MTHFD1L: variants seen among roughly 807,000 people sequenced by gnomAD.
MTHFD1L encodes the protein monofunctional C1-tetrahydrofolate synthase, mitochondrial.
Under a neutral mutation model 119.5 loss-of-function variants are expected in MTHFD1L, and 81 were observed. That is an observed-to-expected ratio of 0.68 (90% CI 0.57 to 0.82). The LOEUF (loss-of-function observed/expected upper bound fraction) is 0.82, where lower values mean the gene tolerates loss of function less well. Ranked by LOEUF, MTHFD1L falls within the 40% of genes least tolerant of loss-of-function variation. The pLI is 0.00. For missense variants in MTHFD1L, 1,125 were observed against 1,253.4 expected (o/e 0.90, Z 1.55); for synonymous variants, 430 against 475.2 (o/e 0.90, Z 1.24).
At chr6:150,904,443 C>G (rs1222332091) in intron 7 of MTHFD1L, among the ~76,000 whole-genome samples, 1 of 152,112 alleles carries the variant, frequency 6.6e-6, no homozygotes, top group East Asian at 1.9e-4. Context: ...CAGGACATAC[C>G]GTAGAGCTGT....
chr6:151,060,228 G>A (rs1790459587), intron 26 of MTHFD1L, among the ~76,000 whole-genome samples: 2 of 152,182 alleles, frequency 1.3e-5, no homozygotes, highest in African/African-American at 4.8e-5. Context: ...CTCCTTGTAA[G>A]TGACTAACCT....
chr6:150,897,963 G>C (rs1208325623), intron 7 of MTHFD1L, among the ~76,000 whole-genome samples: 1 of 152,172 alleles, frequency 6.6e-6, no homozygotes. Context: ...TCCTGCCTCA[G>C]CCTCCTGAGT....
At position 150,878,398 on chromosome 6, in the gene MTHFD1L, C is replaced by T. The variant is rs1333816838; in HGVS notation, c.417+572C>T. Reference sequence around the variant, plus strand: ...TCCTGAGTAGCTGAGATTACAGGTGCGTGCCACCACGCCTGGCTAATTTTT... The same window carrying T: ...TCCTGAGTAGCTGAGATTACAGGTGTGTGCCACCACGCCTGGCTAATTTTT... On this transcript the variant is annotated intron_variant, in intron 4 of 27. Coordinates refer to ENST00000367321, the MANE Select transcript of MTHFD1L (RefSeq NM_015440.5). Among the ~76,000 whole-genome samples, 3 of 152,108 alleles carry T rather than the reference C, an allele frequency of 2.0e-5. No homozygotes were observed. The South Asian group carries it at 6.2e-4, about 32-fold the overall frequency.
rs1780390701 is a variant in MTHFD1L, at chr6:150,876,078, T to C, written c.228-12T>C. 6 of 1,578,420 alleles carry C rather than the reference T, an allele frequency of 3.8e-6. No homozygotes were observed. In the East Asian group the frequency reaches 1.3e-4, roughly 35 times the overall value. ...CCAAGAAATCACAATGTTGTTTTCT[T>C]TCTCAATGTAGAGAAGTCATTCAGA... On this transcript the variant is annotated splice_polypyrimidine_tract_variant and intron_variant, in intron 1 of 27. Coordinates refer to ENST00000367321, the MANE Select transcript of MTHFD1L (RefSeq NM_015440.5).
rs1479589816 is a variant in MTHFD1L, at chr6:150,926,680, G to A, written c.1256+385G>A. On this transcript the variant is annotated intron_variant, in intron 11 of 27. Transcript: ENST00000367321. The surrounding 1 kb of genome is among the most constrained non-coding windows in gnomAD (Gnocchi z 4.3). ...TACTTGAAATATTTTCGTGGAAAAGGTACAGATAATCATATGAAACATGTT... is the reference window on the plus strand; with the variant it reads ...TACTTGAAATATTTTCGTGGAAAAGATACAGATAATCATATGAAACATGTT... 1.3e-5 allele frequency among the ~76,000 whole-genome samples: 2 copies of A among 152,180 alleles called. No homozygotes were observed. The highest frequency in any genetic ancestry group is 1.3e-4 in the Admixed American group (2 of 15,264).
intron 24 of MTHFD1L, among the ~76,000 whole-genome samples, chr6:151,033,700 C>A (rs1389214925): frequency 6.6e-6 from 1 of 152,094 alleles, no homozygotes; most frequent in Non-Finnish European, 1.5e-5. Context: ...GTAGGTTCAA[C>A]CTCTGATTTT....
At chr6:151,022,454 A>G (rs749488426) in intron 24 of MTHFD1L, 23 of 175,068 alleles carry the variant, frequency 1.3e-4, no homozygotes, top group Non-Finnish European at 2.3e-4. Flanking sequence ...TTTTACATGT[A>G]TAGTCTGTGG....
At chr6:151,020,834 G>T (rs1783847036) in intron 24 of MTHFD1L, among the ~76,000 whole-genome samples, 1 of 152,162 alleles carries the variant, frequency 6.6e-6, no homozygotes, top group African/African-American at 2.4e-5. Context: ...CTCCATGTCT[G>T]CAGGGATGCA....
intron 26 of MTHFD1L, among the ~76,000 whole-genome samples, chr6:151,046,685 C>G (rs991210688): frequency 1.3e-5 from 2 of 151,886 alleles, no homozygotes; most frequent in African/African-American, 4.8e-5. Flanking sequence ...TTCTATGTCT[C>G]TTAGTTACAC....
intron 26 of MTHFD1L, among the ~76,000 whole-genome samples, chr6:151,075,466 A>G (rs991507209): frequency 6.6e-6 from 1 of 152,172 alleles, no homozygotes; most frequent in African/African-American, 2.4e-5. Flanking sequence ...GTGTTTAAGC[A>G]TATAATAACA....
chr6:150,886,748 T>C (rs1182002077), intron 6 of MTHFD1L, among the ~76,000 whole-genome samples: 7 of 151,362 alleles, frequency 4.6e-5, no homozygotes, highest in Admixed American at 4.6e-4. Context: ...CAGCACTTTG[T>C]GGAGCCAAGA....
intron 17 of MTHFD1L, among the ~76,000 whole-genome samples, chr6:150,959,975 A>G (rs1371114156): frequency 6.6e-6 from 1 of 152,206 alleles, no homozygotes; most frequent in African/African-American, 2.4e-5. Flanking sequence ...GACATGCTAC[A>G]ACAGCAAACC....
intron 21 of MTHFD1L, 36 bp downstream of exon 21, chr6:151,009,994 A>G (rs1024567180): frequency 6.5e-7 from 1 of 1,542,350 alleles, no homozygotes; most frequent in African/African-American, 1.4e-5. Flanking sequence ...TACCAAAGAA[A>G]TTTCATTATG....
chr6:150,975,077 GTATGGATAGACCATACTTTGTT>G (rs1347265381), intron 20 of MTHFD1L, among the ~76,000 whole-genome samples: 2 of 152,138 alleles, frequency 1.3e-5, no homozygotes, highest in Non-Finnish European at 2.9e-5. Flanking sequence ...ATATTCCATC[GTATGGATAGACCATACTTTGTT>G]TATCCACTCA....
chr6:151,079,940 C>T (rs963054447), intron 26 of MTHFD1L, among the ~76,000 whole-genome samples: 1 of 151,190 alleles, frequency 6.6e-6, no homozygotes, highest in Non-Finnish European at 1.5e-5. Context: ...TTTGGAGAGC[C>T]GAGGTAGGCG....
intron 1 of MTHFD1L, among the ~76,000 whole-genome samples, chr6:150,870,709 G>A (rs894228272): frequency 6.6e-6 from 1 of 151,884 alleles, no homozygotes; most frequent in Admixed American, 6.6e-5. Context: ...TCAGGAGTTC[G>A]AGACCAGCCT....
intron 7 of MTHFD1L, among the ~76,000 whole-genome samples, chr6:150,893,338 T>C (rs1783666177): frequency 6.6e-6 from 1 of 152,160 alleles, no homozygotes; most frequent in Admixed American, 6.5e-5. Flanking sequence ...GTGCTGGAAT[T>C]AGAGGCCTGA....
At chr6:150,930,312 A>C (rs181702346) in intron 11 of MTHFD1L, among the ~76,000 whole-genome samples, 1 of 152,352 alleles carries the variant, frequency 6.6e-6, no homozygotes, top group African/African-American at 2.4e-5. Flanking sequence ...AGTCAATTTG[A>C]AATAAAAATC....
chr6:150,911,963 C>G (rs563999444), intron 8 of MTHFD1L, among the ~76,000 whole-genome samples: 1 of 152,098 alleles, frequency 6.6e-6, no homozygotes, highest in South Asian at 2.1e-4. Context: ...TATGGGAGTA[C>G]AATTCAAGAT....
Sources: allele counts gnomAD v4.1 joint callset (sites outside exome capture counted in the v4.1 genomes callset), GRCh38; gene constraint gnomAD v4.1.1; non-coding constraint Gnocchi (gnomAD v3.1); transcripts MANE v1.5; gene names NCBI Gene and HGNC (gene_info 2026-07-23, HGNC 2026-07-21).